SMCHD1: variants seen among roughly 807,000 people sequenced by gnomAD.
SMCHD1 encodes the protein structural maintenance of chromosomes flexible hinge domain-containing protein 1.
Under a neutral mutation model 254.7 loss-of-function variants are expected in SMCHD1, and 78 were observed. The ratio of observed to expected loss-of-function variants is 0.31; its 90% confidence interval spans 0.26 to 0.37. The LOEUF (loss-of-function observed/expected upper bound fraction) is 0.37, where lower values mean the gene tolerates loss of function less well. Ranked by LOEUF, SMCHD1 falls within the 10% of genes least tolerant of loss-of-function variation. The pLI is 1.00. For missense variants in SMCHD1, 1,840 were observed against 2,408.1 expected, an observed-to-expected ratio of 0.76 and a Z score of 4.94; for synonymous variants, 766 against 794.9, an observed-to-expected ratio of 0.96 and a Z score of 0.61.
chr18:2,795,567 C>CA (rs1450751975), intron 45 of SMCHD1, among the ~76,000 whole-genome samples: 1 of 152,160 alleles, frequency 6.6e-6, no homozygotes, highest in Non-Finnish European at 1.5e-5. Context: ...TGATTTCTAA[C>CA]AACACAATAT....
chr18:2,731,287 A>T (rs2075134178), intron 24 of SMCHD1, among the ~76,000 whole-genome samples: 1 of 152,212 alleles, frequency 6.6e-6, no homozygotes, highest in Non-Finnish European at 1.5e-5. Context: ...ACTTATTTTA[A>T]ATTTAGTGTG....
chr18:2,772,359 A>G lies in SMCHD1; in HGVS notation c.5162A>G (p.Asp1721Gly), dbSNP rs762347022. ...TLPNYTKGSG[D>G]VLGKIAHLAQ... The stretch of plus-strand genomic sequence containing the variant: ...CCAAACTATACTAAAGGCAGTGGAG[A>G]TGTTTTGGGAAAGGTTTGTGTTTAT... Residue 1721 changes from aspartate (D) to glycine (G), a missense_variant, in exon 41 of 48, where the codon GAT becomes GGT. Around this residue, in one of 9 missense-constraint regions of SMCHD1, gnomAD observed 114 missense variants for 217.6 expected, o/e 0.52. Transcript: ENST00000320876. 1 of 1,565,246 alleles carries G rather than the reference A, an allele frequency of 6.4e-7. No homozygotes were observed. Among genetic ancestry groups the G allele is most frequent in the Admixed American group, 2.0e-5 (1 of 49,418 alleles).
chr18:2,799,554 T>C (rs116343390), intron 47 of SMCHD1, among the ~76,000 whole-genome samples: 2,724 of 152,324 alleles, frequency 0.018, 40 homozygotes, highest in Middle Eastern at 0.11. Flanking sequence ...CAGGCAAATA[T>C]TGTACTAAGC....
intron 45 of SMCHD1, among the ~76,000 whole-genome samples, chr18:2,787,077 G>A (rs1457404272): frequency 2.6e-5 from 4 of 152,212 alleles, no homozygotes; most frequent in Admixed American, 2.6e-4. Flanking sequence ...TCTTCTGGCT[G>A]AAAAGTTCAA....
At chr18:2,727,670 A>C (rs1462434272) in intron 22 of SMCHD1, among the ~76,000 whole-genome samples, 1 of 152,046 alleles carries the variant, frequency 6.6e-6, no homozygotes, top group African/African-American at 2.4e-5. Flanking sequence ...AATTTCTCTG[A>C]ATCCCAGTTT....
At chr18:2,661,258 A>T (rs1360115472) in intron 1 of SMCHD1, among the ~76,000 whole-genome samples, 1 of 152,138 alleles carries the variant, frequency 6.6e-6, no homozygotes, top group East Asian at 1.9e-4. Context: ...TGACAGGTTG[A>T]TAGGTGTGGC....
intron 1 of SMCHD1, among the ~76,000 whole-genome samples, chr18:2,658,722 A>G (rs979290140): frequency 5.9e-5 from 9 of 152,268 alleles, no homozygotes; most frequent in Admixed American, 3.9e-4. Context: ...GAATTAAGTC[A>G]GTGAATTAAT....
At position 2,712,049 on chromosome 18, in the gene SMCHD1, C is replaced by G. The variant is rs999906001; in HGVS notation, c.2260+4129C>G. On this transcript the variant is annotated intron_variant, in intron 17 of 47. Transcript: ENST00000320876. Reference sequence around the variant, plus strand: ...ATGCCCAGTCTTCCAGCCAGCAGAACTGTGAACCAAATAAACATCCTTTTC... The same window carrying G: ...ATGCCCAGTCTTCCAGCCAGCAGAAGTGTGAACCAAATAAACATCCTTTTC... Among the ~76,000 whole-genome samples, 12 of 152,290 alleles carry G rather than the reference C, an allele frequency of 7.9e-5. 1 individual carries two copies. The East Asian group carries it at 1.9e-3, about 24-fold the overall frequency.
intron 29 of SMCHD1, among the ~76,000 whole-genome samples, chr18:2,745,350 C>T (rs1238363594): frequency 6.6e-6 from 1 of 152,114 alleles, no homozygotes; most frequent in Non-Finnish European, 1.5e-5. Context: ...TGAAGTCACA[C>T]AATCATGGTA....
chr18:2,729,408 C>T lies in SMCHD1; in HGVS notation c.3047C>T (p.Pro1016Leu), dbSNP rs528154864. 30 of 1,511,768 alleles carry T rather than the reference C, an allele frequency of 2.0e-5. No individual in the cohort carries two copies. The highest frequency in any genetic ancestry group is 1.7e-4 in the African/African-American group (12 of 70,960). 93.6% of individuals were successfully genotyped at this position (1,511,768 alleles called of 1,614,324 possible). Residue 1016 changes from proline to leucine, a missense_variant and splice_region_variant, in exon 24 of 48, where the codon CCT (proline) becomes CTT (leucine). Physicochemically the swap from Pro to Leu is moderately conservative, Grantham distance 98. Around this residue, in one of 9 missense-constraint regions of SMCHD1, gnomAD observed 881 missense variants for 1,009.5 expected, o/e 0.87. Coordinates refer to ENST00000320876, the MANE Select transcript of SMCHD1 (RefSeq NM_015295.3). ...ACGCTTAAAGCAAGAATTGAAATAC[C>T]TGTAAGTTATTATTGTTACTCATTG... ...DQTLKARIEI[P>L]SCKDVAPVEK...
At chr18:2,662,616 G>A (rs2073318254) in intron 1 of SMCHD1, among the ~76,000 whole-genome samples, 1 of 132,406 alleles carries the variant, frequency 7.6e-6, no homozygotes. Context: ...TTGCACTCCA[G>A]CCTGCACAAC....
chr18:2,732,396 G>T lies in SMCHD1; in HGVS notation c.3180G>T (p.Trp1060Cys). 6.2e-7 allele frequency: 1 copy of T among 1,613,510 alleles called. No individual in the cohort carries two copies. Among genetic ancestry groups the T allele is most frequent in the Non-Finnish European group, 8.5e-7 (1 of 1,179,628 alleles). ...TCAAACATCAGGATGAGGTTAATTGGATAGCGGGTGATATTATGCATAATC... is the reference window on the plus strand; with the variant it reads ...TCAAACATCAGGATGAGGTTAATTGTATAGCGGGTGATATTATGCATAATC... The part of the protein sequence containing the change: ...IQIKHQDEVN[W>C]IAGDIMHNLI... The change falls in exon 25 of 48, where the codon TGG becomes TGT. Residue 1060 changes from tryptophan (W) to cysteine (C), a missense_variant. Coordinates refer to ENST00000320876, the MANE Select transcript of SMCHD1 (RefSeq NM_015295.3).
chr18:2,777,725 A>G, intron 42 of SMCHD1, 81 bp from the exon 43 acceptor site: 2 of 704,120 alleles, frequency 2.8e-6, no homozygotes, highest in Non-Finnish European at 4.7e-6. Context: ...TGTGCAATAT[A>G]TTCATGTTTT....
intron 30 of SMCHD1, among the ~76,000 whole-genome samples, chr18:2,748,390 ATTTTTT>A (rs67175512): frequency 4.3e-5 from 4 of 92,700 alleles, no homozygotes; most frequent in East Asian, 3.3e-4. Context: ...GTGTATATAA[ATTTTTT>A]TTTTTTTTTT....
chr18:2,714,709 A>G (rs2074758994), intron 17 of SMCHD1, among the ~76,000 whole-genome samples: 2 of 151,972 alleles, frequency 1.3e-5, no homozygotes, highest in Non-Finnish European at 2.9e-5. Flanking sequence ...CCATGTTTAG[A>G]ACTCCTTTGA....
At chr18:2,742,121 G>A (rs1044432621) in intron 28 of SMCHD1, among the ~76,000 whole-genome samples, 5 of 152,140 alleles carry the variant, frequency 3.3e-5, no homozygotes, top group Non-Finnish European at 5.9e-5. Context: ...CTATCAGCAT[G>A]TTACATTCTA....
At chr18:2,668,687 G>A (rs897312278) in intron 3 of SMCHD1, among the ~76,000 whole-genome samples, 2 of 151,994 alleles carry the variant, frequency 1.3e-5, no homozygotes, top group Non-Finnish European at 2.9e-5. Flanking sequence ...GAATGCATTC[G>A]CTATTAGCAG....
At chr18:2,685,107 T>TTTA in intron 5 of SMCHD1, among the ~76,000 whole-genome samples, 1 of 136,700 alleles carries the variant, frequency 7.3e-6, no homozygotes, top group Non-Finnish European at 1.6e-5. Flanking sequence ...TTTTTCTTTT[T>TTTA]TTTTTTTTTT....
intron 5 of SMCHD1, among the ~76,000 whole-genome samples, chr18:2,676,735 T>G (rs2073759140): frequency 6.6e-6 from 1 of 152,204 alleles, no homozygotes; most frequent in African/African-American, 2.4e-5. Context: ...GATTTATCAG[T>G]TGTTAACATT....
Sources: allele counts gnomAD v4.1 joint callset (sites outside exome capture counted in the v4.1 genomes callset), GRCh38; gene constraint gnomAD v4.1.1; regional missense constraint gnomAD v4.1.1; transcripts MANE v1.5; gene names NCBI Gene and HGNC (gene_info 2026-07-23, HGNC 2026-07-21).